Variants in SRD5A2 observed in about 807,000 individuals in gnomAD.
The protein encoded by SRD5A2 is 3-oxo-5-alpha-steroid 4-dehydrogenase 2.
A neutral mutation model predicts 27.4 loss-of-function variants in SRD5A2; 30 were observed. That is an observed-to-expected ratio of 1.10 (90% CI 0.82 to 1.49). The LOEUF is 1.49. Among genes scored for constraint, SRD5A2 ranks in the 40% most tolerant of loss-of-function variants. The pLI is 0.00. For synonymous variants in SRD5A2, 141 were observed against 133.6 expected, an observed-to-expected ratio of 1.06 and a Z score of -0.38; for missense variants, 348 against 323.4, an observed-to-expected ratio of 1.08 and a Z score of -0.58.
In SRD5A2 at chr2:31,522,687, G is replaced by C. The variant is rs1665682026; in HGVS notation, c.*3509C>G. 4.5e-6 allele frequency: 1 copy of C among 221,760 alleles called. No homozygotes were observed. Among genetic ancestry groups the C allele is most frequent in the South Asian group, 1.8e-4 (1 of 5,438 alleles). 13.7% of individuals were successfully genotyped at this position (221,760 alleles called of 1,614,324 possible). A position where few individuals can be genotyped will look rare whatever the true frequency, so the allele number is the denominator to read the frequency against. On this transcript the variant is annotated 3_prime_UTR_variant, in exon 5 of 5. Transcript: ENST00000622030. ...ATTAAATCACCCAAGAACTCACATTGCCACCCGGCTCTATGCCTCTTTCAT... is the reference window on the plus strand; with the variant it reads ...ATTAAATCACCCAAGAACTCACATTCCCACCCGGCTCTATGCCTCTTTCAT...
At chr2:31,658,581 A>G in the SRD5A2 span, among the ~76,000 whole-genome samples, 14 of 152,164 alleles carry the variant, frequency 9.2e-5, no homozygotes, top group East Asian at 2.7e-3. Context: ...CTCAGAGACT[A>G]TTACAAACAT....
intron 4 of SRD5A2, chr2:31,527,724 A>G (rs1665813768): frequency 1.3e-5 from 2 of 152,170 alleles, no homozygotes. Context: ...TGACTCTTTT[A>G]TGGGCTAGGA....
chr2:31,616,052 G>A, the SRD5A2 span, among the ~76,000 whole-genome samples: 2 of 152,108 alleles, frequency 1.3e-5, no homozygotes, highest in African/African-American at 4.8e-5. Flanking sequence ...AAATCTCAGA[G>A]GATGCATGGA....
Position 31,524,689 on chromosome 2 carries a change from A to T in SRD5A2, c.*1507T>A, listed in dbSNP as rs28383089. ...CATCCTCAGACCTTTCAAGTTTCCTATGTGACTTATATAGTGAGTTTCTGT... is the reference window on the plus strand; with the variant it reads ...CATCCTCAGACCTTTCAAGTTTCCTTTGTGACTTATATAGTGAGTTTCTGT... On this transcript the variant is annotated 3_prime_UTR_variant, in exon 5 of 5. Coordinates refer to ENST00000622030, the MANE Select transcript of SRD5A2 (RefSeq NM_000348.4). The T allele has an allele frequency of 4.3e-6, 1 of 231,238 alleles. No homozygotes were observed. The highest frequency in any genetic ancestry group is 6.1e-5 in the East Asian group (1 of 16,304). 14.3% of individuals were successfully genotyped at this position (231,238 alleles called of 1,614,324 possible). A position where few individuals can be genotyped will look rare whatever the true frequency, so the allele number is the denominator to read the frequency against.
the SRD5A2 span, among the ~76,000 whole-genome samples, chr2:31,662,884 C>A: frequency 1.3e-5 from 2 of 152,224 alleles, no homozygotes; most frequent in South Asian, 4.2e-4. Context: ...TCTGAGGCCA[C>A]TTGGTGATCT....
chr2:31,552,052 A>C (rs1489156627), intron 1 of SRD5A2, among the ~76,000 whole-genome samples: 1 of 151,838 alleles, frequency 6.6e-6, no homozygotes, highest in African/African-American at 2.4e-5. Context: ...CATAAATTGG[A>C]CTTCATCAAA....
upstream of SRD5A2, among the ~76,000 whole-genome samples, chr2:31,585,333 A>G (rs939535630): frequency 1.3e-5 from 2 of 152,074 alleles, no homozygotes; most frequent in Non-Finnish European, 2.9e-5. Flanking sequence ...CAGCCAAGGG[A>G]GTGCTGGCAT....
the SRD5A2 span, among the ~76,000 whole-genome samples, chr2:31,657,023 C>T: frequency 6.6e-6 from 1 of 151,716 alleles, no homozygotes; most frequent in Non-Finnish European, 1.5e-5. Context: ...GAAACTATCA[C>T]AAAAAAAAGT....
At chr2:31,629,234 A>C in the SRD5A2 span, among the ~76,000 whole-genome samples, 1 of 152,106 alleles carries the variant, frequency 6.6e-6, no homozygotes, top group Non-Finnish European at 1.5e-5. Context: ...ATAGAGCTAT[A>C]ACACTCACTG....
intron 1 of SRD5A2, among the ~76,000 whole-genome samples, chr2:31,578,685 T>C (rs1005775870): frequency 6.6e-6 from 1 of 152,222 alleles, no homozygotes; most frequent in African/African-American, 2.4e-5. Flanking sequence ...CAATTTTCCC[T>C]CAGGCAGAAT....
the SRD5A2 span, among the ~76,000 whole-genome samples, chr2:31,653,530 G>A: frequency 0.012 from 1,870 of 152,134 alleles, 21 homozygotes; most frequent in South Asian, 0.045. Flanking sequence ...TCTTGTCTCT[G>A]TATGCACCCT....
intron 1 of SRD5A2, among the ~76,000 whole-genome samples, chr2:31,553,420 T>C (rs1025622366): frequency 2.0e-5 from 3 of 152,150 alleles, no homozygotes; most frequent in African/African-American, 7.2e-5. Flanking sequence ...CTCAGATTCA[T>C]GAAGCTGAAA....
chr2:31,555,003 G>T (rs762773745), intron 1 of SRD5A2, among the ~76,000 whole-genome samples: 2 of 149,068 alleles, frequency 1.3e-5, no homozygotes, highest in Non-Finnish European at 3.0e-5. Context: ...GGCCAGTGAA[G>T]AATTTAAAGC....
At chr2:31,627,536 T>C in the SRD5A2 span, among the ~76,000 whole-genome samples, 4 of 152,226 alleles carry the variant, frequency 2.6e-5, no homozygotes, top group South Asian at 8.3e-4. Context: ...CCCTTGTTTC[T>C]CTAGTTCCTC....
the SRD5A2 span, among the ~76,000 whole-genome samples, chr2:31,609,978 T>C: frequency 3.3e-5 from 5 of 151,936 alleles, no homozygotes; most frequent in Non-Finnish European, 5.9e-5. Flanking sequence ...CAGGAAGAAA[T>C]AGAAATCTAA....
At position 31,522,713 on chromosome 2, in the gene SRD5A2, C is replaced by T. The variant is rs28383103; in HGVS notation, c.*3483G>A. 4.2e-4 allele frequency: 93 copies of T among 222,928 alleles called. No homozygotes were observed. Among genetic ancestry groups the T allele is most frequent in the African/African-American group, 1.9e-3 (87 of 44,902 alleles). 13.8% of individuals were successfully genotyped at this position (222,928 alleles called of 1,614,324 possible). A position where few individuals can be genotyped will look rare whatever the true frequency, so the allele number is the denominator to read the frequency against. ...CCACCCGGCTCTATGCCTCTTTCAT[C>T]ATAGGATAGTGTAGATGCTATAAAA... On this transcript the variant is annotated 3_prime_UTR_variant, in exon 5 of 5. Coordinates refer to ENST00000622030, the MANE Select transcript of SRD5A2 (RefSeq NM_000348.4).
Position 31,580,632 on chromosome 2 carries a change from T to C in SRD5A2, c.269A>G (p.His90Arg). ...GGAAAAACGCTACCTGTGGAAGTAA[T>C]GTAGGCAGAAGAGGCCCAGAAGTAC... is the stretch of plus-strand genomic sequence containing the variant. ...GTVLLGLFCL[H>R]YFHRTFVYSL... The change falls in exon 1 of 5, where the codon CAT (histidine) becomes CGT (arginine). Residue 90 changes from histidine (H) to arginine (R), a missense_variant. Physicochemically the swap from His to Arg is conservative, Grantham distance 29. Transcript: ENST00000622030. 1 of 1,571,716 alleles carries C rather than the reference T, an allele frequency of 6.4e-7. No homozygotes were observed. The highest frequency in any genetic ancestry group is 2.3e-5 in the East Asian group (1 of 43,848).
Position 31,580,822 on chromosome 2 carries a change from C to T in SRD5A2, c.79G>A (p.Val27Ile). 1 of 1,612,554 alleles carries T rather than the reference C, an allele frequency of 6.2e-7. No homozygotes were observed. The highest frequency in any genetic ancestry group is 1.1e-5 in the South Asian group (1 of 91,078). ...LVALGALALY[V>I]AKPSGYGKHT... ...TTCCCGTAGCCGGAGGGCTTCGCGACGTACAAGGCCAGTGCCCCAAGGGCG... is the reference window on the plus strand; with the variant it reads ...TTCCCGTAGCCGGAGGGCTTCGCGATGTACAAGGCCAGTGCCCCAAGGGCG... Residue 27 changes from valine to isoleucine, a missense_variant, in exon 1 of 5, where the codon GTC becomes ATC. Transcript: ENST00000622030.
chr2:31,529,593 G>T, intron 3 of SRD5A2, 136 bp from the exon 4 acceptor site: 3 of 1,225,988 alleles, frequency 2.4e-6, no homozygotes, highest in Non-Finnish European at 3.3e-6. Context: ...AGTCATAGGA[G>T]TTTGGTGGAA....
Sources: gnomAD v4.1 joint callset for allele counts (sites outside exome capture counted in the v4.1 genomes callset) on GRCh38, gnomAD v4.1.1 for gene constraint, MANE v1.5 for transcripts, NCBI Gene and HGNC (gene_info 2026-07-23, HGNC 2026-07-21) for gene names.